Variants in USH2A observed in about 807,000 individuals in gnomAD.
USH2A encodes the protein Usher syndrome 2A (autosomal recessive, mild).
A neutral mutation model predicts 538.9 loss-of-function variants in USH2A; 443 were observed. The observed-to-expected ratio is 0.82, with a 90% CI of 0.76 to 0.89. The LOEUF (loss-of-function observed/expected upper bound fraction) is 0.89. Ranked by LOEUF, USH2A falls within the 40% of genes least tolerant of loss-of-function variation. The probability of loss-of-function intolerance (pLI) is 0.00; values close to 1 mark genes in which losing one functional copy is unlikely to be tolerated. For synonymous variants in USH2A, 2,413 were observed against 2,273.5 expected (o/e 1.06, Z -1.75); for missense variants, 6,633 against 6,324.8 (o/e 1.05, Z -1.65).
intron 61 of USH2A, among the ~76,000 whole-genome samples, chr1:215,722,084 A>G (rs1483829784): frequency 8.6e-6 from 1 of 115,616 alleles, no homozygotes; most frequent in African/African-American, 3.1e-5. Context: ...AAAAAAAAAA[A>G]GGGTTAGGCC....
chr1:216,230,337 T>G (rs1294183562), intron 14 of USH2A, among the ~76,000 whole-genome samples: 1 of 152,174 alleles, frequency 6.6e-6, no homozygotes, highest in African/African-American at 2.4e-5. Context: ...TATTTACTAT[T>G]TACTGTACCA....
At chr1:215,705,541 A>T (rs1659160287) in intron 61 of USH2A, among the ~76,000 whole-genome samples, 1 of 152,228 alleles carries the variant, frequency 6.6e-6, no homozygotes, top group Non-Finnish European at 1.5e-5. Context: ...AATATGAAAA[A>T]ATGTGCATTG....
chr1:215,820,480 T>C lies in USH2A; in HGVS notation c.9372-3285A>G, dbSNP rs1395714306. Among the ~76,000 whole-genome samples the C allele has an allele frequency of 2.0e-5, 3 of 151,752 alleles. No homozygotes were observed. In the East Asian group the frequency reaches 5.8e-4, roughly 29 times the overall value. On this transcript the variant is annotated intron_variant, in intron 47 of 71. Transcript: ENST00000307340. ...AATCAATACATAATAGATGTACATA[T>C]TTCAGGGTCCATGTGAGAATTTAAT...
intron 61 of USH2A, among the ~76,000 whole-genome samples, chr1:215,725,259 C>T (rs944589654): frequency 1.3e-5 from 2 of 152,218 alleles, no homozygotes; most frequent in Non-Finnish European, 2.9e-5. Context: ...CTGCCCGCCT[C>T]AGCTTCCCAA....
At chr1:216,186,151 T>G (rs2034596011) in intron 20 of USH2A, among the ~76,000 whole-genome samples, 1 of 151,704 alleles carries the variant, frequency 6.6e-6, no homozygotes, top group South Asian at 2.1e-4. Context: ...GAAAGGATTT[T>G]ATATGGAAAC....
chr1:215,707,582 G>T (rs1297390600), intron 61 of USH2A, among the ~76,000 whole-genome samples: 1 of 152,174 alleles, frequency 6.6e-6, no homozygotes, highest in Non-Finnish European at 1.5e-5. Flanking sequence ...GATTCCAAAG[G>T]ATAATTGTTT....
chr1:216,071,598 G>T (rs2102547465), intron 29 of USH2A, among the ~76,000 whole-genome samples: 2 of 152,294 alleles, frequency 1.3e-5, no homozygotes, highest in South Asian at 4.1e-4. Context: ...GCATAGGGCT[G>T]TGGTCAGATC....
At position 215,782,874 on chromosome 1, in the gene USH2A, C is replaced by T. The variant is rs751663815; in HGVS notation, c.10449G>A (p.Gly3483=). ...EYRISAWNSY[G]RGLSKAVRAR... ...CTCTCACAGCTTTGCTGAGTCCTCGCCCATAGCTGTTCCAGGCAGAAATCC... is the reference window on the plus strand; with the variant it reads ...CTCTCACAGCTTTGCTGAGTCCTCGTCCATAGCTGTTCCAGGCAGAAATCC... The change falls in exon 53 of 72, where the codon GGG becomes GGA. Residue 3483 remains glycine, a synonymous_variant. Transcript: ENST00000307340. 27 of 1,613,836 alleles carry T rather than the reference C, an allele frequency of 1.7e-5. No individual in the cohort carries two copies. The South Asian group carries it at 2.7e-4, about 16-fold the overall frequency.
chr1:216,300,268 T>C (rs1457438407), intron 9 of USH2A, among the ~76,000 whole-genome samples: 1 of 152,174 alleles, frequency 6.6e-6, no homozygotes, highest in Non-Finnish European at 1.5e-5. Flanking sequence ...CTGAAGCAAA[T>C]GGTTTTCTAT....
intron 30 of USH2A, among the ~76,000 whole-genome samples, chr1:216,059,191 T>C (rs7539701): frequency 0.67 from 101,222 of 152,110 alleles, 35,006 homozygotes; most frequent in African/African-American, 0.86. Context: ...CATACATATA[T>C]AGAGTAGCAT....
chr1:215,734,014 C>T (rs1571632211), intron 60 of USH2A, among the ~76,000 whole-genome samples: 1 of 152,236 alleles, frequency 6.6e-6, no homozygotes, highest in Non-Finnish European at 1.5e-5. Context: ...GTGGCTCCAA[C>T]ACCACACTTG....
At chr1:215,976,243 A>C (rs2102462805) in intron 35 of USH2A, among the ~76,000 whole-genome samples, 1 of 152,320 alleles carries the variant, frequency 6.6e-6, no homozygotes, top group South Asian at 2.1e-4. Context: ...TAGGCATAAA[A>C]TCATATCAGC....
chr1:215,852,721 A>G (rs1664050644), intron 44 of USH2A, among the ~76,000 whole-genome samples: 1 of 152,214 alleles, frequency 6.6e-6, no homozygotes, highest in Non-Finnish European at 1.5e-5. Flanking sequence ...TGGCCAAAAC[A>G]AAAGGGCTAC....
intron 3 of USH2A, among the ~76,000 whole-genome samples, chr1:216,401,975 G>T (rs1203294175): frequency 6.6e-6 from 1 of 152,054 alleles, no homozygotes; most frequent in Non-Finnish European, 1.5e-5. Context: ...AAGAGAATTG[G>T]TTTTCTTCAC....
intron 21 of USH2A, among the ~76,000 whole-genome samples, chr1:216,144,441 C>G (rs1242366505): frequency 6.6e-6 from 1 of 151,590 alleles, no homozygotes; most frequent in Non-Finnish European, 1.5e-5. Flanking sequence ...TTCAGCAAAG[C>G]TTTGTGAATA....
intron 21 of USH2A, among the ~76,000 whole-genome samples, chr1:216,113,465 C>T (rs1456812086): frequency 1.3e-5 from 2 of 152,122 alleles, no homozygotes; most frequent in African/African-American, 4.8e-5. Flanking sequence ...ATAGTTTGGC[C>T]TGGCATTTCT....
At chr1:215,768,510 T>C (rs964844250) in intron 55 of USH2A, among the ~76,000 whole-genome samples, 2 of 152,222 alleles carry the variant, frequency 1.3e-5, no homozygotes, top group African/African-American at 4.8e-5. Context: ...CAGGCACTTA[T>C]TTGATTACAA....
chr1:215,814,810 C>G (rs1056920155), intron 48 of USH2A, among the ~76,000 whole-genome samples: 9 of 152,110 alleles, frequency 5.9e-5, no homozygotes, highest in African/African-American at 2.2e-4. Flanking sequence ...ACTAAGACAC[C>G]TGGGAACATG....
chr1:216,374,424 A>G (rs2038778773), intron 3 of USH2A, among the ~76,000 whole-genome samples: 2 of 152,050 alleles, frequency 1.3e-5, no homozygotes, highest in Non-Finnish European at 2.9e-5. Flanking sequence ...AATTCAGGTG[A>G]TACAGTGATC....
Sources: gnomAD v4.1 joint callset for allele counts (sites outside exome capture counted in the v4.1 genomes callset) on GRCh38, gnomAD v4.1.1 for gene constraint, MANE v1.5 for transcripts, NCBI Gene and HGNC (gene_info 2026-07-23, HGNC 2026-07-21) for gene names.